The following RPTOR variants were observed in gnomAD, a reference collection of about 807,000 sequenced individuals.
The protein encoded by RPTOR is regulatory-associated protein of mTOR.
RPTOR carries 21 observed loss-of-function variants against 169.9 expected under a neutral mutation model. The ratio of observed to expected loss-of-function variants is 0.12; its 90% CI spans 0.09 to 0.18. The LOEUF (loss-of-function observed/expected upper bound fraction) is 0.18, where lower values mean the gene tolerates loss of function less well. Among genes scored for constraint, RPTOR ranks in the 10% least tolerant of loss-of-function variants. RPTOR has a pLI of 1.00. For missense variants in RPTOR, 1,133 were observed against 1,855.9 expected, an observed-to-expected ratio of 0.61 and a Z score of 7.16; for synonymous variants, 732 against 753.2, an observed-to-expected ratio of 0.97 and a Z score of 0.46.
Position 80,949,564 on chromosome 17 carries a change from C to G in RPTOR, c.3370+17C>G. On this transcript the variant is annotated intron_variant, in intron 28 of 33. Coordinates refer to ENST00000306801, the MANE Select transcript of RPTOR (RefSeq NM_020761.3). Reference sequence around the variant, plus strand: ...CGACGCGAGGTGGGTCCGCCCGGCTCCTCCCCAGAGCAGAATGTGTTCCCG... The same window carrying G: ...CGACGCGAGGTGGGTCCGCCCGGCTGCTCCCCAGAGCAGAATGTGTTCCCG... 2 of 1,603,822 alleles carry G rather than the reference C, an allele frequency of 1.2e-6. No homozygotes were observed. The highest frequency in any genetic ancestry group is 2.2e-5 in the South Asian group (2 of 90,918).
intron 10 of RPTOR, among the ~76,000 whole-genome samples, chr17:80,839,117 A>G (rs919571415): frequency 1.3e-5 from 2 of 152,198 alleles, no homozygotes; most frequent in Non-Finnish European, 2.9e-5. Flanking sequence ...TAACACATGC[A>G]GTCGGGAGCC....
chr17:80,956,861 C>T (rs994551620), intron 28 of RPTOR, among the ~76,000 whole-genome samples: 3 of 151,552 alleles, frequency 2.0e-5, no homozygotes, highest in African/African-American at 4.9e-5. Flanking sequence ...GGCTCTGCTC[C>T]GATGTTCCTG....
intron 13 of RPTOR, among the ~76,000 whole-genome samples, chr17:80,874,622 T>C (rs2068086534): frequency 6.6e-6 from 1 of 152,232 alleles, no homozygotes; most frequent in East Asian, 1.9e-4. Context: ...GTGGATGTTC[T>C]GCTGAAGTCG....
chr17:80,553,282 A>G (rs954213490), intron 1 of RPTOR, among the ~76,000 whole-genome samples: 2 of 152,216 alleles, frequency 1.3e-5, no homozygotes, highest in Non-Finnish European at 2.9e-5. Context: ...GAGGAGGAGC[A>G]TCTGCTGCCT....
chr17:80,775,287 T>G (rs865966414), intron 6 of RPTOR, among the ~76,000 whole-genome samples: 1 of 152,228 alleles, frequency 6.6e-6, no homozygotes, highest in Non-Finnish European at 1.5e-5. Flanking sequence ...TTTCTTTCTC[T>G]TTTGAACAGG....
intron 1 of RPTOR, among the ~76,000 whole-genome samples, chr17:80,607,618 T>TAA (rs1367238105): frequency 1.3e-5 from 2 of 149,332 alleles, no homozygotes; most frequent in African/African-American, 2.5e-5. Flanking sequence ...TATATATATA[T>TAA]AATTATTTTT....
chr17:80,872,761 C>T (rs998065475), intron 13 of RPTOR, among the ~76,000 whole-genome samples: 2 of 152,170 alleles, frequency 1.3e-5, no homozygotes, highest in Admixed American at 6.5e-5. Context: ...GGTGACGGCT[C>T]GCCCTTTGCA....
At chr17:80,724,058 A>G (rs1305139918) in intron 4 of RPTOR, among the ~76,000 whole-genome samples, 3 of 151,426 alleles carry the variant, frequency 2.0e-5, no homozygotes, top group Non-Finnish European at 2.9e-5. Context: ...TGAAGAAAGT[A>G]TAAATCAGTG....
intron 3 of RPTOR, among the ~76,000 whole-genome samples, chr17:80,688,024 C>G (rs891273710): frequency 7.9e-5 from 12 of 152,214 alleles, no homozygotes; most frequent in Non-Finnish European, 1.8e-4. Context: ...CCCACCTCCA[C>G]TCAGCAGTCT....
rs142612981 is a variant in RPTOR at position 80,918,118 on chromosome 17, C to T, written c.2521-4606C>T. 7.2e-3 allele frequency among the ~76,000 whole-genome samples: 1,102 copies of T among 152,352 alleles called. 9 individuals carry two copies. The highest frequency in any genetic ancestry group is 0.043 in the South Asian group (209 of 4,828). On this transcript the variant is annotated intron_variant, in intron 21 of 33. Transcript: ENST00000306801. ...TCACACCTATGGCTTGAAAGCTTGTCATGCACATGCTCATTCCCCTCACTG... is the reference window on the plus strand; with the variant it reads ...TCACACCTATGGCTTGAAAGCTTGTTATGCACATGCTCATTCCCCTCACTG...
At chr17:80,856,737 G>A (rs999773426) in intron 12 of RPTOR, among the ~76,000 whole-genome samples, 6 of 152,150 alleles carry the variant, frequency 3.9e-5, no homozygotes, top group Non-Finnish European at 8.8e-5. Flanking sequence ...TAAGAAGACA[G>A]GAAGCATGTA....
chr17:80,687,628 G>A (rs557263137), intron 3 of RPTOR, among the ~76,000 whole-genome samples: 23 of 152,300 alleles, frequency 1.5e-4, no homozygotes, highest in Non-Finnish European at 8.8e-5. Flanking sequence ...CGGTGTCTGC[G>A]TGGAGAAATG....
chr17:80,683,707 T>A (rs558817521), intron 3 of RPTOR, among the ~76,000 whole-genome samples: 5 of 152,364 alleles, frequency 3.3e-5, no homozygotes, highest in Admixed American at 2.0e-4. Flanking sequence ...TGTCATTGTT[T>A]ATTTTGATGC....
At chr17:80,759,678 G>C (rs2066715121) in intron 6 of RPTOR, among the ~76,000 whole-genome samples, 1 of 151,824 alleles carries the variant, frequency 6.6e-6, no homozygotes, top group East Asian at 1.9e-4. Flanking sequence ...AAACCACCAG[G>C]GTTTTTTTTT....
At position 80,960,774 on chromosome 17, in the gene RPTOR, A is replaced by C. The variant is rs550847517; in HGVS notation, c.3605+569A>C. 1 of 143,656 alleles carries C rather than the reference A, an allele frequency of 7.0e-6. No homozygotes were observed. Among genetic ancestry groups the C allele is most frequent in the Non-Finnish European group, 1.5e-5 (1 of 67,092 alleles). 8.9% of individuals were successfully genotyped at this position (143,656 alleles called of 1,614,324 possible). A position where few individuals can be genotyped will look rare whatever the true frequency, so the allele number is the denominator to read the frequency against. On this transcript the variant is annotated intron_variant, in intron 30 of 33. Coordinates refer to ENST00000306801, the MANE Select transcript of RPTOR (RefSeq NM_020761.3). The surrounding 1 kb of genome is among the most constrained non-coding windows in gnomAD (Gnocchi z 4.8). The stretch of plus-strand genomic sequence containing the variant: ...GCACCCCTGTGGGCAGGTGCTGTCC[A>C]TGTCTGGCAGGGGACAGGGCACACG...
At chr17:80,777,079 A>G (rs888980994) in intron 6 of RPTOR, among the ~76,000 whole-genome samples, 1 of 152,176 alleles carries the variant, frequency 6.6e-6, no homozygotes, top group Non-Finnish European at 1.5e-5. Context: ...TCTACTAAAA[A>G]TACAAAAATT....
At chr17:80,826,499 C>A (rs1416361206) in intron 9 of RPTOR, among the ~76,000 whole-genome samples, 2 of 152,250 alleles carry the variant, frequency 1.3e-5, no homozygotes, top group Non-Finnish European at 2.9e-5. Flanking sequence ...CTGGTGCAGC[C>A]ACTGCCAGCA....
At chr17:80,807,945 T>C (rs1273561319) in intron 7 of RPTOR, among the ~76,000 whole-genome samples, 3 of 152,082 alleles carry the variant, frequency 2.0e-5, no homozygotes, top group African/African-American at 7.2e-5. Flanking sequence ...CTGGATGTGG[T>C]CCTTGGGCCA....
intron 2 of RPTOR, among the ~76,000 whole-genome samples, chr17:80,635,651 C>A (rs1048792467): frequency 3.3e-5 from 5 of 152,106 alleles, no homozygotes; most frequent in Admixed American, 2.0e-4. Context: ...CGAACTAGAC[C>A]AGAGGGTATC....
Sources: gnomAD v4.1 joint callset for allele counts (sites outside exome capture counted in the v4.1 genomes callset) on GRCh38, gnomAD v4.1.1 for gene constraint, Gnocchi (gnomAD v3.1) non-coding constraint, MANE v1.5 for transcripts, NCBI Gene and HGNC (gene_info 2026-07-23, HGNC 2026-07-21) for gene names.